Variants in CCSER1 observed in about 807,000 individuals in gnomAD.
The protein encoded by CCSER1 is coiled-coil serine rich protein 1.
Under a neutral mutation model 82.0 loss-of-function variants are expected in CCSER1, and 41 were observed. The ratio of observed to expected loss-of-function variants is 0.50; its 90% CI spans 0.39 to 0.65. The LOEUF is 0.65. Among genes scored for constraint, CCSER1 ranks in the 30% least tolerant of loss-of-function variants. The probability of loss-of-function intolerance (pLI) is 0.00; values close to 1 mark genes in which losing one functional copy is unlikely to be tolerated. For missense variants in CCSER1, 1,119 were observed against 1,064.2 expected, an observed-to-expected ratio of 1.05 and a Z score of -0.72; for synonymous variants, 414 against 383.9, an observed-to-expected ratio of 1.08 and a Z score of -0.92.
intron 7 of CCSER1, among the ~76,000 whole-genome samples, chr4:90,809,858 C>A (rs1758019147): frequency 6.6e-6 from 1 of 151,892 alleles, no homozygotes; most frequent in African/African-American, 2.4e-5. Context: ...AGCCATTGCA[C>A]TCCAGACTAC....
intron 10 of CCSER1, among the ~76,000 whole-genome samples, chr4:91,469,389 T>G (rs959940417): frequency 1.3e-5 from 2 of 152,206 alleles, no homozygotes; most frequent in Non-Finnish European, 2.9e-5. Context: ...ACATATAATA[T>G]TTTCCCTAAT....
At chr4:90,530,885 G>A (rs1258630697) in intron 5 of CCSER1, among the ~76,000 whole-genome samples, 1 of 152,076 alleles carries the variant, frequency 6.6e-6, no homozygotes, top group Non-Finnish European at 1.5e-5. Flanking sequence ...CAACCACCTT[G>A]TGCTACTCCT....
chr4:91,168,685 T>C (rs1732429596), intron 10 of CCSER1, among the ~76,000 whole-genome samples: 1 of 151,884 alleles, frequency 6.6e-6, no homozygotes, highest in Non-Finnish European at 1.5e-5. Context: ...CTGGGAGGTG[T>C]ACCCAACAGC....
intron 1 of CCSER1, among the ~76,000 whole-genome samples, chr4:90,173,059 A>T (rs1732018449): frequency 2.0e-5 from 3 of 151,802 alleles, no homozygotes. Context: ...TTCATGCTGA[A>T]CTTGAGCCAA....
At chr4:90,706,461 A>C (rs561153171) in intron 6 of CCSER1, among the ~76,000 whole-genome samples, 5 of 152,150 alleles carry the variant, frequency 3.3e-5, no homozygotes, top group African/African-American at 1.2e-4. Flanking sequence ...TCAATTAATT[A>C]ATTAAAATTA....
At chr4:91,355,935 A>G (rs1260746343) in intron 10 of CCSER1, among the ~76,000 whole-genome samples, 3 of 152,186 alleles carry the variant, frequency 2.0e-5, no homozygotes, top group South Asian at 2.1e-4. Flanking sequence ...GCAAACTTCA[A>G]TGGTTATGTG....
intron 8 of CCSER1, among the ~76,000 whole-genome samples, chr4:90,819,037 A>G (rs1759398152): frequency 6.6e-6 from 1 of 152,168 alleles, no homozygotes; most frequent in African/African-American, 2.4e-5. Flanking sequence ...TTTCTGGAGG[A>G]TAGAAGTCTG....
intron 10 of CCSER1, among the ~76,000 whole-genome samples, chr4:91,524,235 A>G (rs1760657679): frequency 6.6e-6 from 1 of 152,190 alleles, no homozygotes; most frequent in Non-Finnish European, 1.5e-5. Flanking sequence ...AAGGCCCTTC[A>G]TTTTGTGACA....
In CCSER1 at chr4:91,599,117, A is replaced by G; in HGVS notation, c.*60A>G. 1 of 1,422,724 alleles carries G rather than the reference A, an allele frequency of 7.0e-7. No individual in the cohort carries two copies. Among genetic ancestry groups the G allele is most frequent in the Non-Finnish European group, 9.3e-7 (1 of 1,078,382 alleles). The allele number at this position is 1,422,724 out of a possible 1,614,324, so 88.1% of individuals were successfully genotyped here. A position where few individuals can be genotyped will look rare whatever the true frequency, so the allele number is the denominator to read the frequency against. ...AAGATGGTTAGTGTTTCTCGTGCATAGTTCATATTAAAATTGTCATGTACT... is the reference window on the plus strand; with the variant it reads ...AAGATGGTTAGTGTTTCTCGTGCATGGTTCATATTAAAATTGTCATGTACT... On this transcript the variant is annotated 3_prime_UTR_variant, in exon 11 of 11. Coordinates refer to ENST00000509176, the MANE Select transcript of CCSER1 (RefSeq NM_001145065.2).
At chr4:91,176,749 A>C (rs1362428231) in intron 10 of CCSER1, among the ~76,000 whole-genome samples, 1 of 152,152 alleles carries the variant, frequency 6.6e-6, no homozygotes, top group African/African-American at 2.4e-5. Flanking sequence ...TAAATATACA[A>C]TCATATCATC....
intron 10 of CCSER1, among the ~76,000 whole-genome samples, chr4:91,483,685 C>T (rs964862490): frequency 6.6e-6 from 1 of 152,166 alleles, no homozygotes; most frequent in Non-Finnish European, 1.5e-5. Context: ...ACCCACCCGC[C>T]TCGGCCTCCC....
intron 10 of CCSER1, among the ~76,000 whole-genome samples, chr4:91,379,701 C>G (rs143458383): frequency 6.6e-6 from 1 of 152,076 alleles, no homozygotes; most frequent in African/African-American, 2.4e-5. Context: ...AAAACCAGGT[C>G]CTGGATTCAT....
intron 9 of CCSER1, among the ~76,000 whole-genome samples, chr4:90,980,695 G>C (rs756969627): frequency 2.0e-4 from 31 of 151,392 alleles, no homozygotes; most frequent in Non-Finnish European, 3.7e-4. Context: ...GAGGAGAGGA[G>C]AGAGAGGGAA....
chr4:91,169,605 A>C (rs1366894212), intron 10 of CCSER1, among the ~76,000 whole-genome samples: 1 of 152,206 alleles, frequency 6.6e-6, no homozygotes, highest in African/African-American at 2.4e-5. Flanking sequence ...TGGGGAATAG[A>C]ATGAGTCTCC....
intron 10 of CCSER1, among the ~76,000 whole-genome samples, chr4:91,537,048 A>G (rs1761333729): frequency 6.6e-6 from 1 of 152,036 alleles, no homozygotes; most frequent in Admixed American, 6.6e-5. Context: ...CTTCCATTTG[A>G]TTACTGCATA....
At chr4:90,720,921 G>A (rs1742564391) in intron 6 of CCSER1, among the ~76,000 whole-genome samples, 1 of 151,882 alleles carries the variant, frequency 6.6e-6, no homozygotes, top group African/African-American at 2.4e-5. Context: ...AGAATATTGA[G>A]TGAGGAATGA....
intron 3 of CCSER1, among the ~76,000 whole-genome samples, chr4:90,325,403 T>G (rs934349121): frequency 1.3e-5 from 2 of 152,232 alleles, no homozygotes; most frequent in East Asian, 3.8e-4. Context: ...ATAGTTCATA[T>G]CCCTTTAAAA....
intron 5 of CCSER1, among the ~76,000 whole-genome samples, chr4:90,499,728 A>G (rs188011961): frequency 4.1e-4 from 62 of 152,274 alleles, no homozygotes; most frequent in African/African-American, 1.3e-3. Flanking sequence ...CTTAATGACA[A>G]TTATAAGCAA....
chr4:90,245,079 A>G (rs1399425503), intron 1 of CCSER1, among the ~76,000 whole-genome samples: 1 of 152,202 alleles, frequency 6.6e-6, no homozygotes, highest in Non-Finnish European at 1.5e-5. Context: ...AGTAACTGGC[A>G]TCAAAACGAT....
Sources: gnomAD v4.1 joint callset for allele counts (sites outside exome capture counted in the v4.1 genomes callset) on GRCh38, gnomAD v4.1.1 for gene constraint, MANE v1.5 for transcripts, NCBI Gene and HGNC (gene_info 2026-07-23, HGNC 2026-07-21) for gene names.